Variants in SDK1 observed in about 807,000 individuals in gnomAD.
SDK1 encodes the protein protein sidekick-1.
SDK1 carries 157 observed loss-of-function variants against 245.5 expected under a neutral mutation model. That is an observed-to-expected ratio of 0.64 (90% CI 0.56 to 0.73). The LOEUF (loss-of-function observed/expected upper bound fraction) is 0.73. Ranked by LOEUF, SDK1 falls within the 30% of genes least tolerant of loss-of-function variation. SDK1 has a pLI of 0.00. For synonymous variants in SDK1, 1,647 were observed against 1,278.5 expected (o/e 1.29, Z -6.15); for missense variants, 3,583 against 3,002.3 (o/e 1.19, Z -4.52).
intron 30 of SDK1, among the ~76,000 whole-genome samples, chr7:4,158,043 G>A (rs749455970): frequency 8.5e-5 from 13 of 152,190 alleles, no homozygotes; most frequent in Non-Finnish European, 1.9e-4. Context: ...ATCCCTTGGA[G>A]AGCAGTGATG....
At chr7:3,828,898 C>T (rs912624490) in intron 5 of SDK1, among the ~76,000 whole-genome samples, 1 of 151,888 alleles carries the variant, frequency 6.6e-6, no homozygotes, top group African/African-American at 2.4e-5. Flanking sequence ...CTCAAATAAT[C>T]CTCCCACCTT....
At chr7:3,960,383 G>A (rs537648445) in intron 8 of SDK1, among the ~76,000 whole-genome samples, 3 of 152,382 alleles carry the variant, frequency 2.0e-5, no homozygotes, top group Admixed American at 6.5e-5. Flanking sequence ...GCTCTTGCCA[G>A]AACACTAGCT....
intron 4 of SDK1, among the ~76,000 whole-genome samples, chr7:3,654,179 T>C (rs1783090166): frequency 6.6e-6 from 1 of 152,166 alleles, no homozygotes; most frequent in South Asian, 2.1e-4. Context: ...GTCACACTGC[T>C]CCTCCAAATG....
chr7:4,100,945 C>G (rs1321746922), intron 22 of SDK1, among the ~76,000 whole-genome samples: 4 of 152,252 alleles, frequency 2.6e-5, no homozygotes, highest in African/African-American at 9.6e-5. Flanking sequence ...TCCACAACAC[C>G]CTGAGGCCTG....
intron 20 of SDK1, among the ~76,000 whole-genome samples, chr7:4,075,915 A>G (rs569262277): frequency 6.6e-6 from 1 of 152,074 alleles, no homozygotes; most frequent in Non-Finnish European, 1.5e-5. Context: ...GGCCTCCCCA[A>G]GTGCTGGGAT....
chr7:4,161,928 C>A, intron 32 of SDK1, 72 bp downstream of exon 32: 5 of 1,309,134 alleles, frequency 3.8e-6, no homozygotes, highest in Non-Finnish European at 5.5e-6. Flanking sequence ...GCCACAACGG[C>A]TGACATGGAC....
Position 4,265,949 on chromosome 7 carries a change from G to A in SDK1, c.*565G>A. On this transcript the variant is annotated 3_prime_UTR_variant, in exon 45 of 45. Transcript: ENST00000404826. ...GTTTCTGAAATGTTCTCACTTGGCAGTGTCTAGTCAAGGAGTCGGCTTTCA... is the reference window on the plus strand; with the variant it reads ...GTTTCTGAAATGTTCTCACTTGGCAATGTCTAGTCAAGGAGTCGGCTTTCA... The A allele has an allele frequency of 1.0e-6, 1 of 985,718 alleles. No individual in the cohort carries two copies. Among genetic ancestry groups the A allele is most frequent in the Non-Finnish European group, 1.2e-6 (1 of 830,126 alleles). 61.1% of individuals were successfully genotyped at this position (985,718 alleles called of 1,614,324 possible).
At chr7:3,465,560 C>G (rs1780972612) in intron 1 of SDK1, among the ~76,000 whole-genome samples, 1 of 152,114 alleles carries the variant, frequency 6.6e-6, no homozygotes, top group African/African-American at 2.4e-5. Context: ...GCTCTCATTG[C>G]TAGGTTCATA....
At chr7:3,412,733 C>T (rs1030257723) in intron 1 of SDK1, among the ~76,000 whole-genome samples, 1 of 152,172 alleles carries the variant, frequency 6.6e-6, no homozygotes, top group South Asian at 2.1e-4. Flanking sequence ...GACTTACTTC[C>T]AAGCCAGTCT....
intron 4 of SDK1, among the ~76,000 whole-genome samples, chr7:3,709,833 C>T (rs1784992733): frequency 6.6e-6 from 1 of 152,194 alleles, no homozygotes; most frequent in African/African-American, 2.4e-5. Flanking sequence ...AGGGTAGAAG[C>T]TGTAGGCTCT....
At chr7:3,967,527 C>G in intron 10 of SDK1, 93 bp downstream of exon 10, 1 of 795,962 alleles carries the variant, frequency 1.3e-6, no homozygotes, top group Non-Finnish European at 2.2e-6. Context: ...CTTGTTTATT[C>G]ACTTATGCAT....
At chr7:3,882,219 G>A (rs770119648) in intron 5 of SDK1, among the ~76,000 whole-genome samples, 12 of 152,082 alleles carry the variant, frequency 7.9e-5, no homozygotes, top group East Asian at 1.9e-4. Flanking sequence ...TCCAAAACAC[G>A]TGGGAATTCT....
chr7:4,265,835 T>A lies in SDK1; in HGVS notation c.*451T>A. Reference sequence around the variant, plus strand: ...CCAGAGAACCAGCGGCTCACACCCTTCTCAACGCAGGACATCCTCGGCGGC... The same window carrying A: ...CCAGAGAACCAGCGGCTCACACCCTACTCAACGCAGGACATCCTCGGCGGC... On this transcript the variant is annotated 3_prime_UTR_variant, in exon 45 of 45. Coordinates refer to ENST00000404826, the MANE Select transcript of SDK1 (RefSeq NM_152744.4). 1 of 994,398 alleles carries A rather than the reference T, an allele frequency of 1.0e-6. No homozygotes were observed. The highest frequency in any genetic ancestry group is 1.2e-6 in the Non-Finnish European group (1 of 836,764). The allele number at this position is 994,398 out of a possible 1,614,324, so 61.6% of individuals were successfully genotyped here. A position where few individuals can be genotyped will look rare whatever the true frequency, so the allele number is the denominator to read the frequency against.
In SDK1 at chr7:3,909,453, G is replaced by A. The variant is rs547427178; in HGVS notation, c.848-41470G>A. Among the ~76,000 whole-genome samples the A allele has an allele frequency of 2.0e-5, 3 of 152,242 alleles. No individual in the cohort carries two copies. The South Asian group carries it at 6.2e-4, about 32-fold the overall frequency. On this transcript the variant is annotated intron_variant, in intron 5 of 44. Transcript: ENST00000404826. ...GGGACCTCCTCCGTCCTCCAGTTGT[G>A]GCCTCTGCTCAGGTTCATATGGCCA...
intron 1 of SDK1, among the ~76,000 whole-genome samples, chr7:3,426,023 A>G (rs1023536217): frequency 6.6e-6 from 1 of 152,274 alleles, no homozygotes; most frequent in African/African-American, 2.4e-5. Context: ...TATAAAATAC[A>G]TAAAATTACT....
intron 25 of SDK1, among the ~76,000 whole-genome samples, chr7:4,123,328 AT>A (rs368795430): frequency 0.02 from 3,008 of 148,356 alleles, 34 homozygotes; most frequent in Non-Finnish European, 0.033. Flanking sequence ...GTAGGTTTAC[AT>A]TTTTTTTTTA....
At chr7:3,683,323 C>A (rs868253770) in intron 4 of SDK1, among the ~76,000 whole-genome samples, 1 of 152,098 alleles carries the variant, frequency 6.6e-6, no homozygotes, top group East Asian at 1.9e-4. Context: ...ATTATTTAAG[C>A]CTTTTATCTT....
At chr7:3,350,186 ACACT>A (rs948743293) in intron 1 of SDK1, among the ~76,000 whole-genome samples, 6 of 152,278 alleles carry the variant, frequency 3.9e-5, no homozygotes, top group Non-Finnish European at 5.9e-5. Flanking sequence ...AGAGTGGGAG[ACACT>A]CAGTCTATCA....
chr7:4,019,909 G>A (rs1021407936), intron 17 of SDK1, among the ~76,000 whole-genome samples: 17 of 152,090 alleles, frequency 1.1e-4, no homozygotes, highest in Admixed American at 1.3e-4. Context: ...AGGTGGCCCC[G>A]TCCTCCCTTT....
Sources: allele counts gnomAD v4.1 joint callset (sites outside exome capture counted in the v4.1 genomes callset), GRCh38; gene constraint gnomAD v4.1.1; transcripts MANE v1.5; gene names NCBI Gene and HGNC (gene_info 2026-07-23, HGNC 2026-07-21).